The following ZNF469 variants were observed in gnomAD, a reference collection of about 807,000 sequenced individuals.
ZNF469 encodes zinc finger protein 469.
In ZNF469, 1 loss-of-function variant was observed where a neutral mutation model predicts 1.0. That is an observed-to-expected ratio of 1.00 (90% CI 0.35 to 4.73). ZNF469 has a LOEUF of 4.73. ZNF469 is among the 30% of genes most tolerant of loss of function. The probability of loss-of-function intolerance (pLI) is 0.16; values close to 1 mark genes in which losing one functional copy is unlikely to be tolerated. For synonymous variants in ZNF469, 2,703 were observed against 2,363.4 expected (o/e 1.14, Z -4.17); for missense variants, 6,100 against 5,356.3 (o/e 1.14, Z -4.33).
At position 88,432,340 on chromosome 16, in the gene ZNF469, G is replaced by C. The variant is rs571503983; in HGVS notation, c.4870G>C (p.Ala1624Pro). 2.6e-6 allele frequency: 4 copies of C among 1,548,310 alleles called. No individual in the cohort carries two copies. The African/African-American group carries it at 5.5e-5, about 21-fold the overall frequency. Residue 1624 changes from alanine to proline, a missense_variant, in exon 3 of 3, where the codon GCA (alanine) becomes CCA (proline). Transcript: ENST00000565624. Reference sequence around the variant, plus strand: ...CGTGCCCCACGAGGACACGTTCTCGGCAGCTGACCTCACGCGCGTTGGAGA... The same window carrying C: ...CGTGCCCCACGAGGACACGTTCTCGCCAGCTGACCTCACGCGCGTTGGAGA... ...ATVPHEDTFS[A>P]ADLTRVGEST... is the part of the protein sequence containing the mutation.
rs546035711 is a variant in ZNF469 at position 88,439,485 on chromosome 16, G to A, written c.*153G>A. 3 of 866,646 alleles carry A rather than the reference G, an allele frequency of 3.5e-6. No individual in the cohort carries two copies. In the South Asian group the frequency reaches 4.9e-5, roughly 14 times the overall value. The allele number at this position is 866,646 out of a possible 1,614,324, so 53.7% of individuals were successfully genotyped here. A position where few individuals can be genotyped will look rare whatever the true frequency, so the allele number is the denominator to read the frequency against. ...TTGATGTCAGAGCTGAGGTGGTGAT[G>A]CTTTGAACAGGGCCCAGGTGGGCAG... On this transcript the variant is annotated 3_prime_UTR_variant, in exon 3 of 3. Transcript: ENST00000565624.
At chr16:88,144,856 T>G in the ZNF469 span, among the ~76,000 whole-genome samples, 1 of 152,076 alleles carries the variant, frequency 6.6e-6, no homozygotes, top group Non-Finnish European at 1.5e-5. Context: ...CCCTTTTTTT[T>G]TTTCTCTTTT....
At chr16:88,131,192 G>A in the ZNF469 span, among the ~76,000 whole-genome samples, 1,346 of 152,174 alleles carry the variant, frequency 8.8e-3, no homozygotes, top group African/African-American at 0.031. Flanking sequence ...GGGCCATTCC[G>A]TGTCGAGTAA....
chr16:88,380,831 CGCACTCACACAGACAT>C (rs1189682518), upstream of ZNF469, among the ~76,000 whole-genome samples: 3 of 148,734 alleles, frequency 2.0e-5, no homozygotes, highest in Non-Finnish European at 4.4e-5. Flanking sequence ...CACACACACA[CGCACTCACACAGACAT>C]GCACTCACAT....
chr16:88,380,924 AC>A (rs2142256704), upstream of ZNF469, among the ~76,000 whole-genome samples: 2 of 50,190 alleles, frequency 4.0e-5, no homozygotes, highest in East Asian at 2.1e-3. Flanking sequence ...ATGCACTCAC[AC>A]AGACACGCAC....
chr16:88,137,561 T>G, the ZNF469 span, among the ~76,000 whole-genome samples: 1 of 152,230 alleles, frequency 6.6e-6, no homozygotes, highest in Admixed American at 6.5e-5. Flanking sequence ...CATACCGCCA[T>G]GCATGTATAC....
the ZNF469 span, among the ~76,000 whole-genome samples, chr16:88,366,824 C>T: frequency 3.3e-5 from 5 of 151,512 alleles, no homozygotes; most frequent in South Asian, 2.1e-4. Context: ...CCACCACCAT[C>T]NCCATAACCA....
At chr16:88,218,208 T>C in the ZNF469 span, among the ~76,000 whole-genome samples, 1 of 148,446 alleles carries the variant, frequency 6.7e-6, no homozygotes, top group East Asian at 2.0e-4. Flanking sequence ...ATGAGCATTT[T>C]TTCATGTGTT....
At chr16:88,104,058 G>A in the ZNF469 span, among the ~76,000 whole-genome samples, 11 of 151,936 alleles carry the variant, frequency 7.2e-5, no homozygotes, top group African/African-American at 2.7e-4. Flanking sequence ...TTCGTAGGGT[G>A]CTTTTTACTC....
At chr16:88,102,038 T>C in the ZNF469 span, among the ~76,000 whole-genome samples, 3 of 151,532 alleles carry the variant, frequency 2.0e-5, no homozygotes, top group Non-Finnish European at 2.9e-5. Flanking sequence ...CAGGCCGGCC[T>C]CAGAAGTGAC....
At chr16:88,153,520 G>A in the ZNF469 span, among the ~76,000 whole-genome samples, 5 of 152,204 alleles carry the variant, frequency 3.3e-5, no homozygotes, top group Admixed American at 1.3e-4. Flanking sequence ...GCACCTGCCC[G>A]TCACAGGGTG....
the ZNF469 span, among the ~76,000 whole-genome samples, chr16:88,243,911 C>CATATACATATATATATATATAT: frequency 7.6e-5 from 2 of 26,274 alleles, no homozygotes; most frequent in Non-Finnish European, 1.9e-4. Context: ...TGGCTGGATG[C>CATATACATATATATATATATAT]ATATATATAT....
upstream of ZNF469, among the ~76,000 whole-genome samples, chr16:88,381,260 ACT>A (rs1349937880): frequency 3.5e-4 from 51 of 145,228 alleles, 1 homozygote; most frequent in Non-Finnish European, 7.4e-4. Context: ...ACTCACACGC[ACT>A]CACACAGACA....
At chr16:88,111,879 C>T in the ZNF469 span, among the ~76,000 whole-genome samples, 1 of 152,208 alleles carries the variant, frequency 6.6e-6, no homozygotes, top group Non-Finnish European at 1.5e-5. Context: ...TTGTGATCCG[C>T]CTGCCTTGGC....
the ZNF469 span, among the ~76,000 whole-genome samples, chr16:88,312,041 G>C: frequency 6.6e-6 from 1 of 152,190 alleles, no homozygotes; most frequent in African/African-American, 2.4e-5. Flanking sequence ...GAAGACAAAG[G>C]AAGAGCAAAG....
At chr16:88,246,873 G>GAATGAGTCAATC in the ZNF469 span, among the ~76,000 whole-genome samples, 28 of 152,162 alleles carry the variant, frequency 1.8e-4, no homozygotes, top group African/African-American at 6.7e-4. Flanking sequence ...GTGAATGAGT[G>GAATGAGTCAATC]AGTGAATGAA....
chr16:88,281,021 T>C, the ZNF469 span, among the ~76,000 whole-genome samples: 3 of 150,766 alleles, frequency 2.0e-5, no homozygotes. Context: ...CACAGATTAG[T>C]GCTGGGCCAT....
chr16:88,218,664 C>G, the ZNF469 span, among the ~76,000 whole-genome samples: 3 of 149,810 alleles, frequency 2.0e-5, no homozygotes, highest in African/African-American at 7.3e-5. Flanking sequence ...CAATATCATA[C>G]TGAATGGGCA....
the ZNF469 span, among the ~76,000 whole-genome samples, chr16:88,346,276 C>A: frequency 0.084 from 12,786 of 152,272 alleles, 535 homozygotes; most frequent in East Asian, 0.12. Context: ...GCCCGTTCAT[C>A]TCGGGAGAAC....
Sources: allele counts gnomAD v4.1 joint callset (sites outside exome capture counted in the v4.1 genomes callset), GRCh38; gene constraint gnomAD v4.1.1; transcripts MANE v1.5; gene names NCBI Gene and HGNC (gene_info 2026-07-23, HGNC 2026-07-21).